PAQR5: variants seen among roughly 807,000 people sequenced by gnomAD.
PAQR5 encodes the protein membrane progestin receptor gamma.
PAQR5 carries 20 observed loss-of-function variants against 34.5 expected under a neutral mutation model. The ratio of observed to expected loss-of-function variants is 0.58; its 90% CI spans 0.41 to 0.84. The LOEUF is 0.84. PAQR5 is among the 40% of genes least tolerant of loss of function. PAQR5 has a pLI of 0.00. For missense variants in PAQR5, 378 were observed against 412.7 expected, an observed-to-expected ratio of 0.92 and a Z score of 0.73; for synonymous variants, 131 against 155.6, an observed-to-expected ratio of 0.84 and a Z score of 1.18.
chr15:69,347,393 T>C (rs1468655337), intron 2 of PAQR5, among the ~76,000 whole-genome samples: 1 of 152,236 alleles, frequency 6.6e-6, no homozygotes, highest in African/African-American at 2.4e-5. Context: ...AAAAAGAAAT[T>C]AAGTCCTAGT....
At chr15:69,384,992 G>A in intron 5 of PAQR5, 110 bp downstream of exon 5, 2 of 768,510 alleles carry the variant, frequency 2.6e-6, no homozygotes, top group South Asian at 1.7e-5. Flanking sequence ...GAAGAATCCA[G>A]GGATTATGCC....
chr15:69,370,298 A>G (rs908966866), intron 3 of PAQR5, among the ~76,000 whole-genome samples: 12 of 152,246 alleles, frequency 7.9e-5, no homozygotes, highest in Non-Finnish European at 1.5e-5. Context: ...CAGTTTTCTT[A>G]TTTGTAAAAT....
At chr15:69,319,158 CATATATATAT>C (rs869082537) in intron 1 of PAQR5, among the ~76,000 whole-genome samples, 96 of 4,208 alleles carry the variant, frequency 0.023, no homozygotes, top group Admixed American at 0.032. Context: ...TAAATATATA[CATATATATAT>C]ATATATATAT....
intron 1 of PAQR5, among the ~76,000 whole-genome samples, chr15:69,313,679 G>A (rs1035244709): frequency 3.9e-5 from 6 of 152,146 alleles, no homozygotes; most frequent in South Asian, 2.1e-4. Context: ...CCCCATTTCC[G>A]GCACTCTACA....
intron 6 of PAQR5, among the ~76,000 whole-genome samples, chr15:69,390,320 T>TTTA (rs1555423048): frequency 1.3e-4 from 18 of 133,442 alleles, no homozygotes; most frequent in African/African-American, 4.6e-4. Context: ...CTGACCTGTT[T>TTTA]TTTATTTATT....
At position 69,384,800 on chromosome 15, in the gene PAQR5, GC is replaced by G; in HGVS notation, c.304del (p.His102ThrfsTer57). On this transcript the variant is annotated frameshift_variant, in exon 5 of 9. Coordinates refer to ENST00000395407, the MANE Select transcript of PAQR5 (RefSeq NM_017705.4). LOFTEE classifies it high-confidence loss of function. ...TGTACCCACTTGTGTCCAGCTGTGC[GC>G]ACACCTTCAGCTCTATGTCCAAGAA... ...CVYPLVSSCA[H>X]TFSSMSKNAR... The G allele has an allele frequency of 6.2e-7, 1 of 1,614,044 alleles. No homozygotes were observed. The highest frequency in any genetic ancestry group is 8.5e-7 in the Non-Finnish European group (1 of 1,179,918).
At chr15:69,316,217 A>G (rs911626183) in intron 1 of PAQR5, among the ~76,000 whole-genome samples, 2 of 152,138 alleles carry the variant, frequency 1.3e-5, no homozygotes, top group African/African-American at 4.8e-5. Context: ...AATAGCTGGA[A>G]TTATAGGCGT....
rs187736727 is a variant in PAQR5 at position 69,359,422 on chromosome 15, A to G, written c.-115-544A>G. The stretch of plus-strand genomic sequence containing the variant: ...CCTGTCTCAAGGGCCGAGCTCCCCA[A>G]GTGAGCAATTCCTGTCCCTTTTAAG... On this transcript the variant is annotated intron_variant, in intron 2 of 8. Transcript: ENST00000395407. Among the ~76,000 whole-genome samples, 170 of 152,278 alleles carry G rather than the reference A, an allele frequency of 1.1e-3. 2 individuals carry two copies. Among genetic ancestry groups the G allele is most frequent in the East Asian group, 4.4e-3 (23 of 5,174 alleles).
intron 1 of PAQR5, among the ~76,000 whole-genome samples, chr15:69,320,100 G>A (rs1342763504): frequency 6.6e-6 from 1 of 152,254 alleles, no homozygotes; most frequent in African/African-American, 2.4e-5. Context: ...GTCAGGGCCT[G>A]GAGTCACCTT....
intron 1 of PAQR5, among the ~76,000 whole-genome samples, chr15:69,325,725 T>C (rs1230650219): frequency 6.6e-6 from 1 of 152,182 alleles, no homozygotes; most frequent in Non-Finnish European, 1.5e-5. Context: ...CCAAGTTCGC[T>C]GCCTCTCACC....
rs181925726 is a variant in PAQR5, at chr15:69,320,806, C to T, written c.-276-16535C>T. 5.3e-5 allele frequency among the ~76,000 whole-genome samples: 8 copies of T among 152,278 alleles called. No homozygotes were observed. In the East Asian group the frequency reaches 1.5e-3, roughly 29 times the overall value. On this transcript the variant is annotated intron_variant, in intron 1 of 8. Transcript: ENST00000395407. ...GGATACTATTTGATCCCTTTTAAAG[C>T]AGAAATTTAAAATCAAAGGATGTTG...
intron 3 of PAQR5, among the ~76,000 whole-genome samples, chr15:69,370,204 C>CT (rs2055521425): frequency 6.6e-6 from 1 of 152,196 alleles, no homozygotes; most frequent in Non-Finnish European, 1.5e-5. Flanking sequence ...GTGAAGCACA[C>CT]AGGAGTTTTG....
At chr15:69,361,976 C>T (rs1004808323) in intron 3 of PAQR5, among the ~76,000 whole-genome samples, 13 of 150,622 alleles carry the variant, frequency 8.6e-5, no homozygotes, top group Non-Finnish European at 1.0e-4. Flanking sequence ...GACTGGGGAG[C>T]GTCTTGGGGG....
chr15:69,356,487 T>C (rs542696209), intron 2 of PAQR5, among the ~76,000 whole-genome samples: 10 of 152,252 alleles, frequency 6.6e-5, no homozygotes, highest in Non-Finnish European at 1.2e-4. Context: ...TGGTATAAAA[T>C]ATACATAACA....
At chr15:69,386,297 G>A (rs369759463) in intron 5 of PAQR5, among the ~76,000 whole-genome samples, 58 of 149,410 alleles carry the variant, frequency 3.9e-4, no homozygotes, top group African/African-American at 1.3e-3. Flanking sequence ...CCACACACAC[G>A]CTCACTCACA....
At chr15:69,357,382 G>A (rs1786008806) in intron 2 of PAQR5, among the ~76,000 whole-genome samples, 1 of 152,078 alleles carries the variant, frequency 6.6e-6, no homozygotes, top group Non-Finnish European at 1.5e-5. Flanking sequence ...TCCTGCCTCA[G>A]CCTCCCTGGT....
chr15:69,316,162 C>T (rs2053942938), intron 1 of PAQR5, among the ~76,000 whole-genome samples: 1 of 152,126 alleles, frequency 6.6e-6, no homozygotes. Context: ...CTCACTGCAA[C>T]CTCTGCCTCC....
intron 1 of PAQR5, among the ~76,000 whole-genome samples, chr15:69,306,459 T>C (rs2053718958): frequency 6.8e-6 from 1 of 147,498 alleles, no homozygotes; most frequent in African/African-American, 2.5e-5. Context: ...TTGCCCAGGC[T>C]GGAGTGCAAC....
intron 8 of PAQR5, among the ~76,000 whole-genome samples, chr15:69,402,079 T>C (rs1399590254): frequency 6.6e-6 from 1 of 152,048 alleles, no homozygotes; most frequent in Non-Finnish European, 1.5e-5. Flanking sequence ...CTTATTTAAC[T>C]CTTATGCTGC....
Sources: allele counts gnomAD v4.1 joint callset (sites outside exome capture counted in the v4.1 genomes callset), GRCh38; gene constraint gnomAD v4.1.1; transcripts MANE v1.5; gene names NCBI Gene and HGNC (gene_info 2026-07-23, HGNC 2026-07-21).